Variants in GALNTL6 observed in about 807,000 individuals in gnomAD.
The protein encoded by GALNTL6 is polypeptide N-acetylgalactosaminyltransferase like 6.
GALNTL6 carries 46 observed loss-of-function variants against 73.7 expected under a neutral mutation model. That is an observed-to-expected ratio of 0.62 (90% CI 0.49 to 0.80). The LOEUF (loss-of-function observed/expected upper bound fraction) is 0.80, where lower values mean the gene tolerates loss of function less well. Ranked by LOEUF, GALNTL6 falls within the 30% of genes least tolerant of loss-of-function variation. The pLI, the probability that GALNTL6 is intolerant of heterozygous loss-of-function variation, is 0.00. For synonymous variants in GALNTL6, 259 were observed against 263.7 expected, an observed-to-expected ratio of 0.98 and a Z score of 0.17; for missense variants, 604 against 755.0, an observed-to-expected ratio of 0.80 and a Z score of 2.34.
intron 2 of GALNTL6, among the ~76,000 whole-genome samples, chr4:171,817,625 C>T (rs1485622523): frequency 6.6e-6 from 1 of 151,320 alleles, no homozygotes; most frequent in African/African-American, 2.4e-5. Context: ...ATTTTCTAGA[C>T]CTTCATTTAA....
At chr4:172,517,780 A>G (rs1291568992) in intron 5 of GALNTL6, among the ~76,000 whole-genome samples, 2 of 152,120 alleles carry the variant, frequency 1.3e-5, no homozygotes, top group Non-Finnish European at 2.9e-5. Flanking sequence ...GAGGGACCAA[A>G]TAGAGTACAA....
chr4:172,200,061 C>A (rs138292348), intron 2 of GALNTL6, among the ~76,000 whole-genome samples: 42 of 152,206 alleles, frequency 2.8e-4, no homozygotes, highest in African/African-American at 9.9e-4. Context: ...AATAAAAAAT[C>A]TGGGGAAATG....
intron 2 of GALNTL6, among the ~76,000 whole-genome samples, chr4:171,900,483 ATTTT>A (rs10713519): frequency 2.1e-5 from 3 of 141,492 alleles, no homozygotes. Context: ...AATTTTTTGT[ATTTT>A]TTTTTTTTTT....
chr4:172,895,837 C>T lies in GALNTL6; in HGVS notation c.1041+12930C>T, dbSNP rs541984674. Among the ~76,000 whole-genome samples, 20 of 151,950 alleles carry T rather than the reference C, an allele frequency of 1.3e-4. No individual in the cohort carries two copies. In the South Asian group the frequency reaches 3.5e-3, roughly 27 times the overall value. On this transcript the variant is annotated intron_variant, in intron 8 of 12. Transcript: ENST00000506823. ...TTCTTTTTCTTTTTTCTCTTCTGTC[C>T]GTATATTTTCAAATAGTCTATCTTC...
intron 5 of GALNTL6, among the ~76,000 whole-genome samples, chr4:172,408,349 A>C (rs1367657231): frequency 8.6e-5 from 13 of 151,978 alleles, no homozygotes. Context: ...GATATAACTG[A>C]TGGTATAGTA....
chr4:172,176,171 C>A (rs1734987732), intron 2 of GALNTL6, among the ~76,000 whole-genome samples: 1 of 150,832 alleles, frequency 6.6e-6, no homozygotes. Context: ...AACCCCATCT[C>A]TACTAAAAAA....
At chr4:172,186,982 C>T (rs1735434107) in intron 2 of GALNTL6, among the ~76,000 whole-genome samples, 2 of 151,978 alleles carry the variant, frequency 1.3e-5, no homozygotes, top group Admixed American at 1.3e-4. Flanking sequence ...AAAATTGGTA[C>T]ATTGCCCACT....
At chr4:172,716,428 G>T (rs988129651) in intron 5 of GALNTL6, among the ~76,000 whole-genome samples, 2 of 152,118 alleles carry the variant, frequency 1.3e-5, no homozygotes, top group Admixed American at 6.6e-5. Flanking sequence ...CTCAATGAAG[G>T]AAAGAGTGTA....
At chr4:172,268,417 T>G (rs373888942) in intron 3 of GALNTL6, among the ~76,000 whole-genome samples, 8 of 152,192 alleles carry the variant, frequency 5.3e-5, no homozygotes, top group African/African-American at 7.2e-5. Flanking sequence ...GCTGAGATAA[T>G]CCTTCAGTGT....
chr4:172,546,495 T>TA (rs35015321), intron 5 of GALNTL6, among the ~76,000 whole-genome samples: 6,551 of 147,996 alleles, frequency 0.044, 444 homozygotes, highest in African/African-American at 0.15. Flanking sequence ...TACACAAGTT[T>TA]AAAAAAAAAA....
chr4:172,740,563 G>A (rs542543397), intron 5 of GALNTL6, among the ~76,000 whole-genome samples: 189 of 152,252 alleles, frequency 1.2e-3, no homozygotes, highest in Middle Eastern at 3.4e-3. Context: ...TCACCAAGAC[G>A]CATGCTTTCC....
At chr4:171,929,780 G>A (rs1738116761) in intron 2 of GALNTL6, among the ~76,000 whole-genome samples, 1 of 152,196 alleles carries the variant, frequency 6.6e-6, no homozygotes, top group South Asian at 2.1e-4. Flanking sequence ...AGAGACTGCA[G>A]CAGCCACCCA....
intron 5 of GALNTL6, among the ~76,000 whole-genome samples, chr4:172,401,096 CT>C (rs1744018324): frequency 6.6e-6 from 1 of 152,008 alleles, no homozygotes; most frequent in African/African-American, 2.4e-5. Context: ...TTCTCTTCTC[CT>C]TTTGCAAAGT....
At chr4:172,556,345 T>TA (rs960375286) in intron 5 of GALNTL6, among the ~76,000 whole-genome samples, 10 of 151,688 alleles carry the variant, frequency 6.6e-5, no homozygotes, top group Admixed American at 1.3e-4. Flanking sequence ...ATATCCATAC[T>TA]AAAAAAAATG....
chr4:172,818,574 C>T (rs1278394696), intron 7 of GALNTL6, among the ~76,000 whole-genome samples: 1 of 152,130 alleles, frequency 6.6e-6, no homozygotes, highest in Non-Finnish European at 1.5e-5. Context: ...TACATATATA[C>T]AGCAGCGGGG....
intron 8 of GALNTL6, among the ~76,000 whole-genome samples, chr4:172,901,989 C>A (rs957085354): frequency 8.5e-5 from 13 of 152,126 alleles, no homozygotes; most frequent in Admixed American, 2.0e-4. Context: ...TCTAGATTAG[C>A]CAGCTGCAGG....
intron 2 of GALNTL6, among the ~76,000 whole-genome samples, chr4:171,891,336 T>C (rs1416483959): frequency 6.6e-6 from 1 of 152,220 alleles, no homozygotes; most frequent in Admixed American, 6.5e-5. Flanking sequence ...TCTTGGAGTC[T>C]GTTTCTTCAA....
At chr4:172,009,878 AC>A (rs1157433866) in intron 2 of GALNTL6, among the ~76,000 whole-genome samples, 4 of 152,042 alleles carry the variant, frequency 2.6e-5, no homozygotes, top group African/African-American at 9.7e-5. Flanking sequence ...AACTTCACAA[AC>A]CAATGTAGAT....
In GALNTL6 at chr4:171,879,344, G is replaced by A. The variant is rs1042138258; in HGVS notation, c.138+64626G>A. 9.2e-5 allele frequency among the ~76,000 whole-genome samples: 14 copies of A among 152,182 alleles called. No individual in the cohort carries two copies. The South Asian group carries it at 2.1e-3, about 23-fold the overall frequency. On this transcript the variant is annotated intron_variant, in intron 2 of 12. Coordinates refer to ENST00000506823, the MANE Select transcript of GALNTL6 (RefSeq NM_001034845.3). ...GAAGTGAAAATGGCATATAGAAGCA[G>A]GTTCTTATCCTTACTATTGTGCTTT...
Sources: gnomAD v4.1 joint callset for allele counts (sites outside exome capture counted in the v4.1 genomes callset) on GRCh38, gnomAD v4.1.1 for gene constraint, MANE v1.5 for transcripts, NCBI Gene and HGNC (gene_info 2026-07-23, HGNC 2026-07-21) for gene names.